Variants in ACACB observed in about 807,000 individuals in gnomAD.
ACACB encodes acetyl-CoA carboxylase 2.
ACACB carries 209 observed loss-of-function variants against 278.8 expected under a neutral mutation model. That is an observed-to-expected ratio of 0.75 (90% confidence interval 0.67 to 0.84). The LOEUF is 0.84. ACACB is among the 40% of genes least tolerant of loss of function. The pLI, the probability that ACACB is intolerant of heterozygous loss-of-function variation, is 0.00. For synonymous variants in ACACB, 1,174 were observed against 1,285.6 expected, an observed-to-expected ratio of 0.91 and a Z score of 1.86; for missense variants, 2,850 against 3,269.0, an observed-to-expected ratio of 0.87 and a Z score of 3.13.
At chr12:109,119,934 CCT>C (rs1233371524) in intron 1 of ACACB, among the ~76,000 whole-genome samples, 1 of 152,082 alleles carries the variant, frequency 6.6e-6, no homozygotes, top group Non-Finnish European at 1.5e-5. Context: ...TTCCACCACT[CCT>C]GTTGAACTAA....
Position 109,266,114 on chromosome 12 carries a change from C to T in ACACB, c.7251-122C>T, listed in dbSNP as rs1251299076. ...ACAGGACCATCACCCCCATGGGGAC[C>T]ACAGCAGGGACTCGGGAGCTCTGGG... is the stretch of plus-strand genomic sequence containing the variant. On this transcript the variant is annotated intron_variant, in intron 52 of 52. Coordinates refer to ENST00000338432, the MANE Select transcript of ACACB (RefSeq NM_001093.4). 7.8e-6 allele frequency: 10 copies of T among 1,276,382 alleles called. No homozygotes were observed. In the Admixed American group the frequency reaches 8.0e-5, roughly 10 times the overall value. The allele number at this position is 1,276,382 out of a possible 1,614,324, so 79.1% of individuals were successfully genotyped here. A position where few individuals can be genotyped will look rare whatever the true frequency, so the allele number is the denominator to read the frequency against.
At chr12:109,172,382 T>A in intron 6 of ACACB, 26 bp downstream of exon 6, 1 of 1,606,316 alleles carries the variant, frequency 6.2e-7, no homozygotes, top group Non-Finnish European at 8.5e-7. Context: ...ATCAGATACA[T>A]GGGAATTGGG....
At chr12:109,263,957 C>G (rs537732362) in intron 49 of ACACB, 4 of 369,698 alleles carry the variant, frequency 1.1e-5, no homozygotes, top group Admixed American at 4.2e-5. Context: ...GAGTGCATTT[C>G]TGAGACTGTA....
chr12:109,171,771 C>A, intron 4 of ACACB, 34 bp from the exon 5 acceptor site: 1 of 1,513,730 alleles, frequency 6.6e-7, no homozygotes, highest in East Asian at 2.3e-5. Flanking sequence ...AGTCTGTCAG[C>A]AGTTCCTTCC....
intron 6 of ACACB, 124 bp from the exon 7 acceptor site, chr12:109,174,008 C>T: frequency 1.4e-6 from 1 of 699,126 alleles, no homozygotes; most frequent in South Asian, 2.0e-5. Context: ...GAGCTGGGAC[C>T]AGAGAATTTT....
chr12:109,182,615 C>T (rs747400571), intron 11 of ACACB, among the ~76,000 whole-genome samples: 1 of 152,234 alleles, frequency 6.6e-6, no homozygotes, highest in Non-Finnish European at 1.5e-5. Flanking sequence ...AGCAGCCCTC[C>T]CACCTCAGCC....
At chr12:109,144,750 CTTTCTTTTT>C (rs1027716347) in intron 2 of ACACB, among the ~76,000 whole-genome samples, 1 of 86,772 alleles carries the variant, frequency 1.2e-5, no homozygotes, top group Non-Finnish European at 2.1e-5. Context: ...TTCTTTCTTT[CTTTCTTTTT>C]TTTTTTTTTT....
intron 13 of ACACB, 40 bp downstream of exon 13, chr12:109,188,202 C>A (rs947015249): frequency 7.6e-6 from 10 of 1,310,244 alleles, no homozygotes; most frequent in Non-Finnish European, 9.6e-6. Context: ...TCCTTCCTTC[C>A]TTCCTTCCTT....
Position 109,197,286 on chromosome 12 carries a change from G to T in ACACB, c.2627+133G>T, listed in dbSNP as rs2045171561. On this transcript the variant is annotated intron_variant, in intron 17 of 52. Coordinates refer to ENST00000338432, the MANE Select transcript of ACACB (RefSeq NM_001093.4). The stretch of plus-strand genomic sequence containing the variant: ...GGTGCCTTTCTGGTAAATTCTGGGG[G>T]TGTGCAGAGAAGTTAATCTCTTGGT... 4.3e-6 allele frequency: 5 copies of T among 1,154,736 alleles called. No individual in the cohort carries two copies. In the South Asian group the frequency reaches 5.0e-5, roughly 12 times the overall value. 71.5% of individuals were successfully genotyped at this position (1,154,736 alleles called of 1,614,324 possible). A position where few individuals can be genotyped will look rare whatever the true frequency, so the allele number is the denominator to read the frequency against.
At chr12:109,219,730 G>T (rs1204047704) in intron 24 of ACACB, among the ~76,000 whole-genome samples, 1 of 152,152 alleles carries the variant, frequency 6.6e-6, no homozygotes, top group African/African-American at 2.4e-5. Context: ...TGTGGCAAAA[G>T]TTTTAACAAT....
At chr12:109,264,017 G>T in intron 49 of ACACB, 1 of 553,484 alleles carries the variant, frequency 1.8e-6, no homozygotes, top group South Asian at 2.6e-5. Flanking sequence ...GGCCTGGGGT[G>T]GGGGCCAGGC....
intron 4 of ACACB, among the ~76,000 whole-genome samples, chr12:109,168,405 G>A (rs1227125947): frequency 6.6e-6 from 1 of 152,130 alleles, no homozygotes; most frequent in Admixed American, 6.6e-5. Flanking sequence ...ACAACTGTTG[G>A]ATGATTTACT....
At chr12:109,201,464 G>T in intron 18 of ACACB, 103 bp from the exon 19 acceptor site, 4 of 1,413,542 alleles carry the variant, frequency 2.8e-6, no homozygotes, top group Non-Finnish European at 3.9e-6. Context: ...GCGCGTCCCT[G>T]GGTAGTGTCC....
At chr12:109,143,804 G>A (rs2043176510) in intron 2 of ACACB, among the ~76,000 whole-genome samples, 1 of 152,116 alleles carries the variant, frequency 6.6e-6, no homozygotes, top group African/African-American at 2.4e-5. Flanking sequence ...GTGTGCTGGT[G>A]CCTGCTGCCT....
intron 1 of ACACB, among the ~76,000 whole-genome samples, chr12:109,132,728 G>C (rs565242433): frequency 1.3e-5 from 2 of 152,310 alleles, no homozygotes; most frequent in South Asian, 4.1e-4. Context: ...AAGTTCTTGT[G>C]TGGGGTGACC....
intron 2 of ACACB, among the ~76,000 whole-genome samples, chr12:109,148,116 T>C (rs2043287756): frequency 6.6e-6 from 1 of 152,176 alleles, no homozygotes; most frequent in African/African-American, 2.4e-5. Context: ...TCCTCCCCTT[T>C]GGGTTGATCT....
intron 1 of ACACB, chr12:109,125,132 T>A (rs1439701552): frequency 6.6e-6 from 1 of 152,230 alleles, no homozygotes; most frequent in East Asian, 1.9e-4. Flanking sequence ...TGGGCGGGGC[T>A]AAGTCTATTT....
rs1393444531 is a variant in ACACB at position 109,127,410 on chromosome 12, C to A, written c.-10+10706C>A. On this transcript the variant is annotated intron_variant, in intron 1 of 52. Coordinates refer to ENST00000338432, the MANE Select transcript of ACACB (RefSeq NM_001093.4). ...TCAGCCTGGGCAACAAAGTGAGATC[C>A]TGTCTCTACAGAAAAAAAAAAAACC... is the stretch of plus-strand genomic sequence containing the variant. Among the ~76,000 whole-genome samples, 3 of 148,388 alleles carry A rather than the reference C, an allele frequency of 2.0e-5. No individual in the cohort carries two copies. The Admixed American group carries it at 2.0e-4, about 10-fold the overall frequency.
rs1449444240 is a variant in ACACB at position 109,267,948 on chromosome 12, A to G, written c.*1586A>G. The stretch of plus-strand genomic sequence containing the variant: ...GGGATGCTTGAGGGTATCCAAGTTG[A>G]AAAAGACAAAATCTGACCATCAGCC... On this transcript the variant is annotated 3_prime_UTR_variant, in exon 53 of 53. Transcript: ENST00000338432. 6.6e-6 allele frequency: 1 copy of G among 152,008 alleles called. No homozygotes were observed. The highest frequency in any genetic ancestry group is 1.5e-5 in the Non-Finnish European group (1 of 68,040). The allele number at this position is 152,008 out of a possible 1,614,324, so 9.4% of individuals were successfully genotyped here.
Sources: allele counts gnomAD v4.1 joint callset (sites outside exome capture counted in the v4.1 genomes callset), GRCh38; gene constraint gnomAD v4.1.1; transcripts MANE v1.5; gene names NCBI Gene and HGNC (gene_info 2026-07-23, HGNC 2026-07-21).